Variants in CLDN14 observed in about 807,000 individuals in gnomAD.
CLDN14 encodes claudin 14.
CLDN14 carries 2 observed loss-of-function variants against 2.1 expected under a neutral mutation model. The observed-to-expected ratio is 0.96, with a 90% confidence interval of 0.39 to 3.01. The LOEUF (loss-of-function observed/expected upper bound fraction) is 3.01, where lower values mean the gene tolerates loss of function less well. CLDN14 is among the 30% of genes most tolerant of loss of function. CLDN14 has a pLI of 0.09. For synonymous variants in CLDN14, 136 were observed against 154.4 expected (o/e 0.88, Z 0.88); for missense variants, 298 against 328.0 (o/e 0.91, Z 0.71).
intron 1 of CLDN14, among the ~76,000 whole-genome samples, chr21:36,524,640 C>A (rs1436417456): frequency 6.6e-6 from 1 of 152,208 alleles, no homozygotes; most frequent in African/African-American, 2.4e-5. Context: ...GGATCGTATA[C>A]CTACAGCCTC....
upstream of CLDN14, among the ~76,000 whole-genome samples, chr21:36,483,543 A>G (rs914666492): frequency 1.3e-5 from 2 of 152,240 alleles, no homozygotes; most frequent in Non-Finnish European, 2.9e-5. Context: ...CTGAGGCCTC[A>G]TAGGAACCAT....
At chr21:36,545,531 G>C (rs2087520590) in intron 1 of CLDN14, among the ~76,000 whole-genome samples, 1 of 152,020 alleles carries the variant, frequency 6.6e-6, no homozygotes, top group South Asian at 2.1e-4. Flanking sequence ...TTACTAGAGG[G>C]GCTCTTTGTG....
intron 1 of CLDN14, among the ~76,000 whole-genome samples, 200 bp from the exon 2 acceptor site, chr21:36,461,976 G>A (rs985974158): frequency 2.6e-5 from 4 of 152,224 alleles, no homozygotes; most frequent in Admixed American, 2.6e-4. Flanking sequence ...CTGAAGGGAT[G>A]ACAGCCGGAC....
intron 1 of CLDN14, among the ~76,000 whole-genome samples, chr21:36,567,229 A>G (rs1362609506): frequency 6.6e-6 from 1 of 152,214 alleles, no homozygotes; most frequent in Non-Finnish European, 1.5e-5. Flanking sequence ...GAACTCAGAG[A>G]AGGCTCTTGC....
chr21:36,491,398 C>A (rs1029491720), intron 2 of CLDN14, among the ~76,000 whole-genome samples: 1 of 152,110 alleles, frequency 6.6e-6, no homozygotes, highest in Admixed American at 6.6e-5. Context: ...CTTTCAAAAG[C>A]GAAACGGCGA....
At chr21:36,532,888 T>A (rs1356847284) in intron 1 of CLDN14, among the ~76,000 whole-genome samples, 2 of 152,184 alleles carry the variant, frequency 1.3e-5, no homozygotes, top group African/African-American at 4.8e-5. Flanking sequence ...AAAGTTACCA[T>A]GCTGTCAAAT....
intron 1 of CLDN14, among the ~76,000 whole-genome samples, chr21:36,540,279 A>G (rs2087477564): frequency 6.6e-6 from 1 of 152,168 alleles, no homozygotes; most frequent in African/African-American, 2.4e-5. Flanking sequence ...TACACTGCAA[A>G]TCATCCCTAG....
At chr21:36,473,159 G>A (rs1323332167) in intron 1 of CLDN14, among the ~76,000 whole-genome samples, 1 of 151,840 alleles carries the variant, frequency 6.6e-6, no homozygotes, top group African/African-American at 2.4e-5. Flanking sequence ...ATATTGCCCA[G>A]GCTGGTCTTG....
intron 1 of CLDN14, among the ~76,000 whole-genome samples, chr21:36,541,240 C>T (rs917322102): frequency 6.6e-6 from 1 of 152,158 alleles, no homozygotes; most frequent in Non-Finnish European, 1.5e-5. Context: ...CAATCGGGTA[C>T]TTGTTGAGGG....
At chr21:36,510,753 C>T (rs2087179083) in intron 1 of CLDN14, among the ~76,000 whole-genome samples, 1 of 152,256 alleles carries the variant, frequency 6.6e-6, no homozygotes, top group African/African-American at 2.4e-5. Context: ...TTTCATCTTT[C>T]CCTTTTGAAT....
chr21:36,516,943 C>T (rs962437476), intron 1 of CLDN14, among the ~76,000 whole-genome samples: 5 of 152,196 alleles, frequency 3.3e-5, no homozygotes, highest in East Asian at 3.8e-4. Context: ...CGGGTTCAAG[C>T]GATTCTCCTG....
upstream of CLDN14, among the ~76,000 whole-genome samples, chr21:36,484,587 C>T (rs2086876706): frequency 6.6e-6 from 1 of 152,186 alleles, no homozygotes; most frequent in South Asian, 2.1e-4. Flanking sequence ...CCTTGGCTTC[C>T]AGCATGACCA....
At chr21:36,506,282 C>T (rs1343228262) in intron 2 of CLDN14, among the ~76,000 whole-genome samples, 2 of 152,198 alleles carry the variant, frequency 1.3e-5, no homozygotes, top group African/African-American at 4.8e-5. Context: ...GTGTGTACAG[C>T]ATGATCCTAT....
upstream of CLDN14, chr21:36,481,167 CT>C (rs2086841714): frequency 6.6e-6 from 1 of 152,162 alleles, no homozygotes; most frequent in Non-Finnish European, 1.5e-5. Context: ...TACTATTTCA[CT>C]ATCTATGCCA....
At chr21:36,510,216 C>G (rs923864653) in intron 2 of CLDN14, 2 of 152,256 alleles carry the variant, frequency 1.3e-5, no homozygotes, top group Non-Finnish European at 2.9e-5. Flanking sequence ...GGCAGCTGCC[C>G]TCAGAGGCAG....
At chr21:36,537,472 C>G (rs1053909380) in intron 1 of CLDN14, among the ~76,000 whole-genome samples, 3 of 152,018 alleles carry the variant, frequency 2.0e-5, no homozygotes, top group African/African-American at 7.2e-5. Context: ...TGAATATGAA[C>G]TGGATAGTAG....
chr21:36,487,978 A>G (rs2086914535), intron 2 of CLDN14, among the ~76,000 whole-genome samples: 1 of 152,364 alleles, frequency 6.6e-6, no homozygotes, highest in Non-Finnish European at 1.5e-5. Flanking sequence ...AGCATGAAGT[A>G]GAGACTCAAA....
In CLDN14 at chr21:36,551,320, G is replaced by A. The variant is rs892527101; in HGVS notation, c.-220+25091C>T. Among the ~76,000 whole-genome samples, 1 of 152,220 alleles carries A rather than the reference G, an allele frequency of 6.6e-6. No individual in the cohort carries two copies. The highest frequency in any genetic ancestry group is 6.5e-5 in the Admixed American group (1 of 15,282). On this transcript the variant is annotated intron_variant, in intron 1 of 2. Coordinates refer to the CLDN14 transcript ENST00000342108. This position sits in a 1 kb window ranked among gnomAD's most constrained non-coding sequence, Gnocchi z 4.8. ...AGTGAGATCTCCGAGCAGATGCACT[G>A]TTCCCTGCGGACAGGATTTATTCCT...
intron 1 of CLDN14, chr21:36,526,503 T>C (rs1264175935): frequency 6.6e-6 from 1 of 152,226 alleles, no homozygotes; most frequent in Admixed American, 6.5e-5. Flanking sequence ...TTCAACCAGC[T>C]GCTTCCTCCT....
Sources: gnomAD v4.1 joint callset for allele counts (sites outside exome capture counted in the v4.1 genomes callset) on GRCh38, gnomAD v4.1.1 for gene constraint, Gnocchi (gnomAD v3.1) non-coding constraint, MANE v1.5 for transcripts, NCBI Gene and HGNC (gene_info 2026-07-23, HGNC 2026-07-21) for gene names.